Variants in USP35 observed in about 807,000 individuals in gnomAD.
USP35 encodes the protein ubiquitin specific peptidase 35.
In USP35, 69 loss-of-function variants were observed where a neutral mutation model predicts 83.8. The ratio of observed to expected loss-of-function variants is 0.82; its 90% confidence interval spans 0.68 to 1.01. The LOEUF (loss-of-function observed/expected upper bound fraction) is 1.01. Ranked by LOEUF, USP35 falls within the 50% of genes least tolerant of loss-of-function variation. The probability of loss-of-function intolerance (pLI) is 0.00; values close to 1 mark genes in which losing one functional copy is unlikely to be tolerated. For missense variants in USP35, 1,503 were observed against 1,362.5 expected, an observed-to-expected ratio of 1.10 and a Z score of -1.62; for synonymous variants, 714 against 589.5, an observed-to-expected ratio of 1.21 and a Z score of -3.06.
chr11:78,200,099 G>A (rs759062306), intron 4 of USP35, 34 bp from the exon 5 acceptor site: 2 of 1,611,878 alleles, frequency 1.2e-6, no homozygotes, highest in Non-Finnish European at 8.5e-7. Flanking sequence ...AGCAGCTCAA[G>A]CCTGGGGACT....
chr11:78,222,412 G>T, the USP35 span, among the ~76,000 whole-genome samples: 2 of 151,522 alleles, frequency 1.3e-5, no homozygotes, highest in African/African-American at 4.8e-5. Flanking sequence ...TCTTTCTGCT[G>T]TATCTATGGT....
At position 78,213,695 on chromosome 11, in the gene USP35, CCACATCTCCG is replaced by C. The variant is rs750702011; in HGVS notation, c.2943_2952del (p.Ser982GlyfsTer42). 3 of 1,528,000 alleles carry C rather than the reference CCACATCTCCG, an allele frequency of 2.0e-6. No individual in the cohort carries two copies. The highest frequency in any genetic ancestry group is 2.6e-5 in the East Asian group (1 of 38,370). The allele number at this position is 1,528,000 out of a possible 1,614,324, so 94.7% of individuals were successfully genotyped here. A position where few individuals can be genotyped will look rare whatever the true frequency, so the allele number is the denominator to read the frequency against. On this transcript the variant is annotated frameshift_variant, in exon 11 of 11. Coordinates refer to ENST00000529308, the MANE Select transcript of USP35 (RefSeq NM_020798.4). LOFTEE classifies it high-confidence loss of function. ...AGGGCGGCCTACATCTCTGCACTCCCCACATCTCCGCACTGGGGGAGGGGCTTTGATGAAG... is the reference window on the plus strand; with the variant it reads ...AGGGCGGCCTACATCTCTGCACTCCCCACTGGGGGAGGGGCTTTGATGAAG...
Position 78,209,669 on chromosome 11 carries a change from G to A in USP35, c.1814G>A (p.Arg605His), listed in dbSNP as rs762991776. 3.6e-5 allele frequency: 58 copies of A among 1,613,848 alleles called. No individual in the cohort carries two copies. Among genetic ancestry groups the A allele is most frequent in the Middle Eastern group, 1.6e-4 (1 of 6,082 alleles). Residue 605 changes from arginine to histidine, a missense_variant, in exon 10 of 11, where the codon CGC becomes CAC. Coordinates refer to ENST00000529308, the MANE Select transcript of USP35 (RefSeq NM_020798.4). Reference protein sequence around the residue: ...DLSLAFPPPERCRRRRLGSVM... With the variant: ...DLSLAFPPPEHCRRRRLGSVM... ...TCTCTCGCCTTCCCTCCTCCTGAGCGCTGTCGCCGCCGCCGCCTGGGCTCT... is the reference window on the plus strand; with the variant it reads ...TCTCTCGCCTTCCCTCCTCCTGAGCACTGTCGCCGCCGCCGCCTGGGCTCT...
At chr11:78,220,219 T>A, downstream of USP35, 2 of 1,241,660 alleles carry the variant, frequency 1.6e-6, no homozygotes, top group Non-Finnish European at 2.3e-6. Context: ...GGAGGGAGGC[T>A]GAGTGCTGCT....
At chr11:78,205,445 G>C (rs547463223) in intron 6 of USP35, among the ~76,000 whole-genome samples, 1 of 152,336 alleles carries the variant, frequency 6.6e-6, no homozygotes, top group Non-Finnish European at 1.5e-5. Context: ...AGTTGGGGCT[G>C]GCACTGACAT....
chr11:78,231,790 C>T, the USP35 span: 1 of 152,182 alleles, frequency 6.6e-6, no homozygotes, highest in Non-Finnish European at 1.5e-5. Context: ...TCCAAGAACC[C>T]TAATGATGAA....
Position 78,200,228 on chromosome 11 carries a change from C to A in USP35, c.1032C>A (p.Phe344Leu). 6.2e-7 allele frequency: 1 copy of A among 1,613,792 alleles called. No individual in the cohort carries two copies. The highest frequency in any genetic ancestry group is 8.5e-7 in the Non-Finnish European group (1 of 1,180,024). Residue 344 changes from phenylalanine (F) to leucine (L), a missense_variant, in exon 5 of 11, where the codon TTC becomes TTA. Transcript: ENST00000529308. ...LLTFQHSHEA[F>L]HLLLPHIPPM... ...CCTTCCAGCACTCCCACGAAGCCTT[C>A]CACCTGGTAAGGTCCCCTGCCTGCT...
At position 78,194,732 on chromosome 11, in the gene USP35, A is replaced by T. The variant is rs1294283719; in HGVS notation, c.-10-1504A>T. Among the ~76,000 whole-genome samples the T allele has an allele frequency of 2.0e-5, 3 of 151,910 alleles. No homozygotes were observed. The East Asian group carries it at 5.8e-4, about 29-fold the overall frequency. On this transcript the variant is annotated intron_variant, in intron 1 of 10. Coordinates refer to ENST00000529308, the MANE Select transcript of USP35 (RefSeq NM_020798.4). ...GGCTCAGAGGAGTAAGGTAGAGATGACTCACACTGCACCCTGCATTTGCTC... is the reference window on the plus strand; with the variant it reads ...GGCTCAGAGGAGTAAGGTAGAGATGTCTCACACTGCACCCTGCATTTGCTC...
intron 3 of USP35, 94 bp from the exon 4 acceptor site, chr11:78,199,501 G>GACATT: frequency 6.4e-7 from 1 of 1,561,954 alleles, no homozygotes; most frequent in Non-Finnish European, 8.7e-7. Context: ...AGTCAATGTG[G>GACATT]GAACCCAGGA....
chr11:78,213,548 A>C, intron 10 of USP35, 98 bp from the exon 11 acceptor site: 1 of 1,338,742 alleles, frequency 7.5e-7, no homozygotes, highest in Non-Finnish European at 9.7e-7. Context: ...GGCCCTGGGG[A>C]CCTAGAGGAA....
chr11:78,207,483 C>T (rs1294679961), intron 7 of USP35, 47 bp from the exon 8 acceptor site: 2 of 1,598,886 alleles, frequency 1.3e-6, no homozygotes, highest in Non-Finnish European at 8.6e-7. Context: ...CTAGAGACTC[C>T]TTGGGGGCCC....
rs1863515800 is a variant in USP35, at chr11:78,205,924, G to A, written c.1280G>A (p.Gly427Asp). Residue 427 changes from glycine to aspartate, a missense_variant, in exon 7 of 11, where the codon GGT (glycine) becomes GAT (aspartate). Physicochemically the swap from Gly to Asp is moderately conservative, Grantham distance 94 (BLOSUM62 -1). Coordinates refer to ENST00000529308, the MANE Select transcript of USP35 (RefSeq NM_020798.4). ...ACTTCGCAGAAGAGCGAGCTGGCGG[G>A]TTTCTATCCCCGGCTCATGGCCAAG... ...AWTSQKSELA[G>D]FYPRLMAKSD... 1 of 1,614,262 alleles carries A rather than the reference G, an allele frequency of 6.2e-7. No individual in the cohort carries two copies. The highest frequency in any genetic ancestry group is 8.5e-7 in the Non-Finnish European group (1 of 1,180,042).
At chr11:78,193,730 A>G (rs1407051319) in intron 1 of USP35, among the ~76,000 whole-genome samples, 2 of 144,642 alleles carry the variant, frequency 1.4e-5, no homozygotes, top group Admixed American at 7.4e-5. Flanking sequence ...GATGAGCCAC[A>G]TTCAAAGAGT....
chr11:78,210,095 C>T lies in USP35; in HGVS notation c.2240C>T (p.Pro747Leu), dbSNP rs1293792257. ...GAGTHPDAAI[P>L]SGERTCGSEG... The stretch of plus-strand genomic sequence containing the variant: ...GGGACCCACCCGGATGCTGCCATCC[C>T]CTCCGGGGAGCGGACATGTGGCTCT... The change falls in exon 10 of 11, where the codon CCC becomes CTC. Residue 747 changes from proline to leucine, a missense_variant. Coordinates refer to ENST00000529308, the MANE Select transcript of USP35 (RefSeq NM_020798.4). The T allele has an allele frequency of 2.5e-6, 4 of 1,614,060 alleles. No individual in the cohort carries two copies. The highest frequency in any genetic ancestry group is 1.3e-5 in the African/African-American group (1 of 75,056).
chr11:78,230,381 A>C, the USP35 span, among the ~76,000 whole-genome samples: 1 of 152,190 alleles, frequency 6.6e-6, no homozygotes, highest in Admixed American at 6.5e-5. Flanking sequence ...CTCCCTGTGG[A>C]ACGCTTCCTT....
At chr11:78,220,294 G>GC in the USP35 span, 88 of 1,610,052 alleles carry the variant, frequency 5.5e-5, no homozygotes, top group Admixed American at 1.7e-4. Context: ...AGCTCTTACT[G>GC]CCCCCCCAAC....
rs770609018 is a variant in USP35, at chr11:78,210,583, ACCT to A, written c.2732_2734del (p.Ser911del). On this transcript the variant is annotated inframe_deletion, in exon 10 of 11. Transcript: ENST00000529308. Reference sequence around the variant, plus strand: ...TTCCTTCGAATCTGTCAGCAACGTCACCTCCTTCTTCCCTAAGGACACAGCCTA... The same window carrying A: ...TTCCTTCGAATCTGTCAGCAACGTCACCTTCTTCCCTAAGGACACAGCCTA... The A allele has an allele frequency of 1.9e-5, 31 of 1,613,806 alleles. No homozygotes were observed. Among genetic ancestry groups the A allele is most frequent in the Middle Eastern group, 3.3e-4 (2 of 6,058 alleles).
chr11:78,209,066 T>C (rs2134411590), intron 9 of USP35, 103 bp downstream of exon 9: 1 of 1,203,182 alleles, frequency 8.3e-7, no homozygotes, highest in Non-Finnish European at 1.2e-6. Flanking sequence ...ATAAGTGTGC[T>C]GCCTCCAACA....
At chr11:78,221,554 A>C in the USP35 span, 1 of 537,970 alleles carries the variant, frequency 1.9e-6, no homozygotes, top group African/African-American at 1.9e-5. Context: ...AGGAGACTAA[A>C]TCATGAATAA....
Sources: gnomAD v4.1 joint callset for allele counts (sites outside exome capture counted in the v4.1 genomes callset) on GRCh38, gnomAD v4.1.1 for gene constraint, MANE v1.5 for transcripts, NCBI Gene and HGNC (gene_info 2026-07-23, HGNC 2026-07-21) for gene names.